Variants in IL1RAPL1 observed in about 807,000 individuals in gnomAD.
IL1RAPL1 encodes the protein interleukin 1 receptor accessory protein like 1.
IL1RAPL1 carries 3 observed loss-of-function variants against 48.4 expected under a neutral mutation model. That is an observed-to-expected ratio of 0.06 (90% CI 0.03 to 0.16). The LOEUF is 0.16. IL1RAPL1 is among the 10% of genes least tolerant of loss of function. IL1RAPL1 has a pLI of 1.00. For missense variants in IL1RAPL1, 349 were observed against 530.6 expected, an observed-to-expected ratio of 0.66 and a Z score of 3.36; for synonymous variants, 185 against 187.7, an observed-to-expected ratio of 0.99 and a Z score of 0.12.
intron 2 of IL1RAPL1, among the ~76,000 whole-genome samples, chrX:29,027,444 G>A (rs1295747820): frequency 8.9e-6 from 1 of 111,821 alleles, no homozygotes; most frequent in African/African-American, 3.2e-5. Context: ...GTCTATGGAA[G>A]GACATCTTGG....
intron 8 of IL1RAPL1, among the ~76,000 whole-genome samples, chrX:29,921,364 G>T (rs1193490874): frequency 1.8e-5 from 2 of 111,702 alleles, no homozygotes; most frequent in Non-Finnish European, 1.9e-5. Context: ...AACATTGAAG[G>T]CTGTTCCCCC....
intron 1 of IL1RAPL1, among the ~76,000 whole-genome samples, chrX:28,623,004 G>T (rs1266062209): frequency 9.0e-6 from 1 of 111,522 alleles, no homozygotes; most frequent in Non-Finnish European, 1.9e-5. Context: ...ATGGAAAATG[G>T]CAGAAAAGCT....
intron 6 of IL1RAPL1, among the ~76,000 whole-genome samples, chrX:29,805,947 A>T (rs1930245150): frequency 9.3e-6 from 1 of 107,945 alleles, no homozygotes; most frequent in Non-Finnish European, 1.9e-5. Context: ...TTATATATAT[A>T]TAAAATCTAT....
chrX:29,102,342 A>C (rs1928358148), intron 2 of IL1RAPL1, among the ~76,000 whole-genome samples: 1 of 112,106 alleles, frequency 8.9e-6, no homozygotes, highest in Non-Finnish European at 1.9e-5. Context: ...AGACAAGAGA[A>C]AGAAATAAAA....
chrX:29,464,154 A>G (rs999803866), intron 5 of IL1RAPL1, among the ~76,000 whole-genome samples: 7 of 112,433 alleles, frequency 6.2e-5, no homozygotes, highest in Non-Finnish European at 1.3e-4. Context: ...TATTAACTGT[A>G]TGTTTATTTT....
intron 5 of IL1RAPL1, among the ~76,000 whole-genome samples, chrX:29,545,545 TTG>T (rs1344251228): frequency 8.9e-6 from 1 of 111,767 alleles, no homozygotes; most frequent in Non-Finnish European, 1.9e-5. Context: ...TTGTGACTTC[TTG>T]TGTTTTATAT....
chrX:28,725,316 A>G (rs1935658469), intron 1 of IL1RAPL1, among the ~76,000 whole-genome samples: 1 of 111,840 alleles, frequency 8.9e-6, no homozygotes, highest in South Asian at 3.8e-4. Flanking sequence ...CAGAAAAACA[A>G]GAATTCACTG....
intron 6 of IL1RAPL1, among the ~76,000 whole-genome samples, chrX:29,815,528 G>A (rs970822615): frequency 9.0e-6 from 1 of 111,326 alleles, no homozygotes; most frequent in Non-Finnish European, 1.9e-5. Flanking sequence ...TTGGTGAAGA[G>A]AGATAATGTG....
At chrX:29,626,647 GAGA>G (rs200083902) in intron 5 of IL1RAPL1, among the ~76,000 whole-genome samples, 14,574 of 111,366 alleles carry the variant, frequency 0.13, 1,062 homozygotes, top group African/African-American at 0.27. Flanking sequence ...TAAAAAGAGA[GAGA>G]AGAAGGAAGA....
intron 5 of IL1RAPL1, among the ~76,000 whole-genome samples, chrX:29,499,017 T>C (rs1420444031): frequency 8.9e-6 from 1 of 112,196 alleles, no homozygotes; most frequent in Non-Finnish European, 1.9e-5. Context: ...CACAAAAATA[T>C]GTGTGCATTA....
In IL1RAPL1 at chrX:29,954,603, G is replaced by A. The variant is rs1933382051; in HGVS notation, c.1283G>A (p.Arg428His). 2 of 1,200,135 alleles carry A rather than the reference G, an allele frequency of 1.7e-6. No homozygotes were observed. The highest frequency in any genetic ancestry group is 1.8e-5 in the African/African-American group (1 of 57,033). Residue 428 changes from arginine (R) to histidine (H), a missense_variant, in exon 10 of 11, where the codon CGT becomes CAT. By Grantham distance (29) the Arg-to-His change is conservative. This residue lies in a region of IL1RAPL1 where 238 missense variants were observed against 337.8 expected (regional missense o/e 0.70). Coordinates refer to ENST00000378993, the MANE Select transcript of IL1RAPL1 (RefSeq NM_014271.4). ...QWNQETGEEE[R>H]FALEILPDML... Reference sequence around the variant, plus strand: ...AATCAAGAGACTGGGGAAGAAGAACGTTTTGCCCTTGAAATCCTACCTGAT... The same window carrying A: ...AATCAAGAGACTGGGGAAGAAGAACATTTTGCCCTTGAAATCCTACCTGAT...
chrX:29,910,702 T>C (rs769135611), intron 6 of IL1RAPL1, among the ~76,000 whole-genome samples: 314 of 111,849 alleles, frequency 2.8e-3, no homozygotes, highest in African/African-American at 9.6e-3. Flanking sequence ...TACGATCCAA[T>C]GAGAAGCCTT....
chrX:29,443,990 C>G (rs1024429329), intron 5 of IL1RAPL1, among the ~76,000 whole-genome samples: 3 of 112,197 alleles, frequency 2.7e-5, no homozygotes, highest in African/African-American at 9.7e-5. Context: ...AGCTCAGATT[C>G]AAGGTATAGA....
intron 6 of IL1RAPL1, among the ~76,000 whole-genome samples, chrX:29,857,145 A>C (rs1931491845): frequency 8.9e-6 from 1 of 111,751 alleles, no homozygotes; most frequent in Admixed American, 9.6e-5. Flanking sequence ...AAAGCAATTA[A>C]TTTTAATAAA....
chrX:28,798,377 A>T (rs2147269871), intron 2 of IL1RAPL1, among the ~76,000 whole-genome samples: 1 of 111,507 alleles, frequency 9.0e-6, no homozygotes, highest in African/African-American at 3.3e-5. Context: ...AGCAACACAA[A>T]TTTATTATCT....
chrX:29,640,998 T>C (rs745392593), intron 5 of IL1RAPL1, among the ~76,000 whole-genome samples: 62 of 92,504 alleles, frequency 6.7e-4, no homozygotes, highest in Non-Finnish European at 1.1e-3. Flanking sequence ...GAACCCCATC[T>C]CTTAAAAAAA....
At chrX:29,592,732 AC>A in intron 5 of IL1RAPL1, among the ~76,000 whole-genome samples, 1 of 110,074 alleles carries the variant, frequency 9.1e-6, no homozygotes, top group African/African-American at 3.3e-5. Context: ...TTTCAGCTTC[AC>A]CCCAACTGCC....
intron 6 of IL1RAPL1, among the ~76,000 whole-genome samples, chrX:29,772,711 G>GA (rs1290477463): frequency 8.9e-6 from 1 of 112,030 alleles, no homozygotes; most frequent in Non-Finnish European, 1.9e-5. Flanking sequence ...GGGTGGAAAG[G>GA]AATCAGCAGT....
chrX:28,766,849 A>G (rs1936246189), intron 1 of IL1RAPL1, among the ~76,000 whole-genome samples: 1 of 111,177 alleles, frequency 9.0e-6, no homozygotes, highest in South Asian at 3.8e-4. Context: ...AGTTCCATCC[A>G]TGTTGTTGCA....
Sources: gnomAD v4.1 joint callset for allele counts (sites outside exome capture counted in the v4.1 genomes callset) on GRCh38, gnomAD v4.1.1 for gene constraint, gnomAD v4.1.1 regional missense constraint, MANE v1.5 for transcripts, NCBI Gene and HGNC (gene_info 2026-07-23, HGNC 2026-07-21) for gene names.